CNTLN: variants seen among roughly 807,000 people sequenced by gnomAD.
CNTLN encodes centlein, also known as centlein, centrosomal protein.
Under a neutral mutation model 180.0 loss-of-function variants are expected in CNTLN, and 212 were observed. The ratio of observed to expected loss-of-function variants is 1.18; its 90% CI spans 1.05 to 1.32. The LOEUF is 1.32. Ranked by LOEUF, CNTLN falls within the 40% of genes most tolerant of loss-of-function variation. The pLI is 0.00. For missense variants in CNTLN, 2,095 were observed against 1,610.9 expected (o/e 1.30, Z -5.14); for synonymous variants, 722 against 563.1 (o/e 1.28, Z -3.99).
At chr9:17,212,141 A>G (rs980784858) in intron 2 of CNTLN, among the ~76,000 whole-genome samples, 4 of 152,202 alleles carry the variant, frequency 2.6e-5, no homozygotes, top group African/African-American at 9.7e-5. Context: ...CCAGTTTTCA[A>G]AGGGAATGCT....
chr9:17,493,969 G>A (rs1054014675), intron 25 of CNTLN, among the ~76,000 whole-genome samples: 3 of 152,182 alleles, frequency 2.0e-5, no homozygotes, highest in African/African-American at 7.2e-5. Flanking sequence ...CTCAAGGCAA[G>A]TAACTAAAGC....
At chr9:17,473,573 G>A (rs1588073602) in intron 23 of CNTLN, among the ~76,000 whole-genome samples, 1 of 144,512 alleles carries the variant, frequency 6.9e-6, no homozygotes, top group Non-Finnish European at 1.5e-5. Flanking sequence ...ACTTTCATTA[G>A]CAAACACACA....
downstream of CNTLN, among the ~76,000 whole-genome samples, chr9:17,504,267 G>T (rs1311619694): frequency 6.6e-6 from 1 of 152,016 alleles, no homozygotes; most frequent in African/African-American, 2.4e-5. Context: ...CCCAAAGAAT[G>T]CAATTAAAAC....
At chr9:17,322,254 G>A (rs1819966135) in intron 8 of CNTLN, among the ~76,000 whole-genome samples, 1 of 151,942 alleles carries the variant, frequency 6.6e-6, no homozygotes, top group South Asian at 2.1e-4. Context: ...ATGATTTTTA[G>A]CCTTAATAAA....
chr9:17,523,686 A>T, the CNTLN span, among the ~76,000 whole-genome samples: 93,698 of 152,186 alleles, frequency 0.62, 31,495 homozygotes, highest in East Asian at 0.92. Flanking sequence ...AATGAACTTC[A>T]GCCATGTACA....
rs191292228 is a variant in CNTLN at position 17,332,427 on chromosome 9, A to G, written c.1519-178A>G. 3.3e-5 allele frequency among the ~76,000 whole-genome samples: 5 copies of G among 152,052 alleles called. 1 individual carries two copies. The highest frequency in any genetic ancestry group is 4.2e-4 in the South Asian group (2 of 4,808). On this transcript the variant is annotated intron_variant, in intron 9 of 25. Transcript: ENST00000380647. ...ATTCTCATTAACGAGTCACAGAGAA[A>G]CCTTTAGCGGTAGCACTGTGGTAAT... is the stretch of plus-strand genomic sequence containing the variant.
In CNTLN at chr9:17,465,982, TA is replaced by T; in HGVS notation, c.3536del (p.Lys1179ArgfsTer3). On this transcript the variant is annotated frameshift_variant and splice_region_variant, in exon 22 of 26. Coordinates refer to ENST00000380647, the MANE Select transcript of CNTLN (RefSeq NM_017738.4). LOFTEE classifies it high-confidence loss of function. ...SEMLQNLDKK[V>X]KTLTEECSNK... is the part of the protein sequence containing the mutation. ...ATTACCTTTATGCTTTTAATGTAGG[TA>T]AAGACATTAACTGAAGAATGTTCCA... 1 of 1,599,964 alleles carries T rather than the reference TA, an allele frequency of 6.3e-7. No homozygotes were observed. The highest frequency in any genetic ancestry group is 8.5e-7 in the Non-Finnish European group (1 of 1,170,992).
chr9:17,505,789 A>G (rs370502400), downstream of CNTLN, among the ~76,000 whole-genome samples: 1 of 152,258 alleles, frequency 6.6e-6, no homozygotes, highest in East Asian at 1.9e-4. Flanking sequence ...TCTAAAATGT[A>G]TATGGGAACT....
At chr9:17,337,231 T>G (rs187870869) in intron 10 of CNTLN, among the ~76,000 whole-genome samples, 105 of 152,324 alleles carry the variant, frequency 6.9e-4, no homozygotes, top group Middle Eastern at 3.4e-3. Context: ...ATGGACAGAT[T>G]GCAAAAAATT....
At chr9:17,299,727 T>G (rs117089163) in intron 7 of CNTLN, 6 of 984,498 alleles carry the variant, frequency 6.1e-6, no homozygotes, top group Middle Eastern at 5.2e-4. Flanking sequence ...TAAAATGATT[T>G]GAAACACTGT....
chr9:17,290,321 GGGGGTCA>G (rs1370355430), intron 6 of CNTLN, among the ~76,000 whole-genome samples: 8 of 151,140 alleles, frequency 5.3e-5, no homozygotes, highest in Non-Finnish European at 1.2e-4. Flanking sequence ...TAGGCTGCTC[GGGGGTCA>G]GGGGTCAGGG....
chr9:17,432,944 C>T (rs912816455), intron 18 of CNTLN, among the ~76,000 whole-genome samples: 3 of 149,638 alleles, frequency 2.0e-5, no homozygotes, highest in Non-Finnish European at 4.4e-5. Flanking sequence ...TAGCTTGAGC[C>T]CAGGAGGCAG....
At chr9:17,149,483 T>A (rs1424313879) in intron 2 of CNTLN, among the ~76,000 whole-genome samples, 1 of 151,782 alleles carries the variant, frequency 6.6e-6, no homozygotes, top group African/African-American at 2.4e-5. Context: ...GCATCTGTTG[T>A]TTCCTGACTT....
intron 6 of CNTLN, among the ~76,000 whole-genome samples, chr9:17,274,942 A>G (rs780779749): frequency 9.2e-5 from 14 of 152,294 alleles, no homozygotes; most frequent in Non-Finnish European, 1.6e-4. Flanking sequence ...GAATTAGGAC[A>G]TTAACAGATT....
chr9:17,417,299 C>T (rs1327195020), intron 18 of CNTLN, among the ~76,000 whole-genome samples: 1 of 152,204 alleles, frequency 6.6e-6, no homozygotes, highest in African/African-American at 2.4e-5. Flanking sequence ...AATATCCTCT[C>T]TTTCTTCCCT....
intron 15 of CNTLN, among the ~76,000 whole-genome samples, chr9:17,404,738 A>ATT (rs36050481): frequency 0.068 from 9,164 of 135,422 alleles, 613 homozygotes; most frequent in East Asian, 0.25. Flanking sequence ...TCTGAAACAA[A>ATT]TTTTTTTTTT....
At chr9:17,290,508 A>C (rs1370633890) in intron 6 of CNTLN, among the ~76,000 whole-genome samples, 4 of 145,646 alleles carry the variant, frequency 2.7e-5, no homozygotes, top group African/African-American at 5.1e-5. Context: ...AGAGGCAGGC[A>C]GGCCTCCTTG....
chr9:17,417,524 T>C (rs953493808), intron 18 of CNTLN, among the ~76,000 whole-genome samples: 1 of 152,082 alleles, frequency 6.6e-6, no homozygotes, highest in Non-Finnish European at 1.5e-5. Flanking sequence ...CTTTTTGGTG[T>C]TCTCTTAAAT....
chr9:17,268,924 A>G (rs1432584829), intron 5 of CNTLN, among the ~76,000 whole-genome samples: 2 of 151,946 alleles, frequency 1.3e-5, no homozygotes, highest in Admixed American at 1.3e-4. Flanking sequence ...CCGATTTTCC[A>G]GGTGCTGTCT....
Sources: gnomAD v4.1 joint callset for allele counts (sites outside exome capture counted in the v4.1 genomes callset) on GRCh38, gnomAD v4.1.1 for gene constraint, MANE v1.5 for transcripts, NCBI Gene and HGNC (gene_info 2026-07-23, HGNC 2026-07-21) for gene names.